The following ADAM23 variants were observed in gnomAD, a reference collection of about 807,000 sequenced individuals.
ADAM23 encodes disintegrin and metalloproteinase domain-containing protein 23.
ADAM23 carries 33 observed loss-of-function variants against 120.1 expected under a neutral mutation model. The ratio of observed to expected loss-of-function variants is 0.27; its 90% CI spans 0.21 to 0.37. The LOEUF (loss-of-function observed/expected upper bound fraction) is 0.37. ADAM23 is among the 10% of genes least tolerant of loss of function. The pLI is 1.00. For synonymous variants in ADAM23, 367 were observed against 375.2 expected, an observed-to-expected ratio of 0.98 and a Z score of 0.25; for missense variants, 862 against 1,058.2, an observed-to-expected ratio of 0.81 and a Z score of 2.57.
chr2:206,580,992 G>A (rs1020653295), intron 18 of ADAM23, among the ~76,000 whole-genome samples: 1 of 152,072 alleles, frequency 6.6e-6, no homozygotes, highest in African/African-American at 2.4e-5. Flanking sequence ...ATTTTCTAGT[G>A]TATGTGTGTA....
intron 3 of ADAM23, among the ~76,000 whole-genome samples, chr2:206,507,629 T>G (rs1002600402): frequency 6.6e-6 from 1 of 152,262 alleles, no homozygotes; most frequent in Non-Finnish European, 1.5e-5. Context: ...GAGAAAGTAC[T>G]AATACAGTAG....
In ADAM23 at chr2:206,540,967, AT is replaced by A. The variant is rs1445930843; in HGVS notation, c.574-1080del. ...TTTATAAATATTATTTATAAATATTATTTTTATAATAATAAAAATTTATTAT... is the reference window on the plus strand; with the variant it reads ...TTTATAAATATTATTTATAAATATTATTTTATAATAATAAAAATTTATTAT... On this transcript the variant is annotated intron_variant, in intron 4 of 25. Transcript: ENST00000264377. 1.4e-4 allele frequency among the ~76,000 whole-genome samples: 21 copies of A among 147,556 alleles called. No homozygotes were observed. In the East Asian group the frequency reaches 1.6e-3, roughly 11 times the overall value.
Position 206,574,187 on chromosome 2 carries a change from A to G in ADAM23, c.1737+992A>G, listed in dbSNP as rs192412752. 5.9e-5 allele frequency among the ~76,000 whole-genome samples: 9 copies of G among 152,294 alleles called. No homozygotes were observed. The East Asian group carries it at 1.5e-3, about 26-fold the overall frequency. Reference sequence around the variant, plus strand: ...CAACGTCATCTTCATCATCATGTCAACGTTCAAAAAGTTTCAGATTTTGGA... The same window carrying G: ...CAACGTCATCTTCATCATCATGTCAGCGTTCAAAAAGTTTCAGATTTTGGA... On this transcript the variant is annotated intron_variant, in intron 18 of 25. Coordinates refer to ENST00000264377, the MANE Select transcript of ADAM23 (RefSeq NM_003812.4).
intron 10 of ADAM23, among the ~76,000 whole-genome samples, 178 bp from the exon 11 acceptor site, chr2:206,559,773 GTTCT>G (rs1257437957): frequency 2.0e-5 from 3 of 152,262 alleles, no homozygotes; most frequent in African/African-American, 4.8e-5. Context: ...TTGTGTGATT[GTTCT>G]TTCTTTATTT....
intron 3 of ADAM23, among the ~76,000 whole-genome samples, chr2:206,489,948 T>C (rs1302827027): frequency 1.3e-5 from 2 of 152,210 alleles, no homozygotes; most frequent in African/African-American, 2.4e-5. Flanking sequence ...AGTAGAACCA[T>C]CTGTTATGCT....
At chr2:206,506,367 C>T (rs1696497311) in intron 3 of ADAM23, among the ~76,000 whole-genome samples, 1 of 152,174 alleles carries the variant, frequency 6.6e-6, no homozygotes, top group African/African-American at 2.4e-5. Flanking sequence ...AAAGTAGAAG[C>T]AAAGCAGAAT....
At chr2:206,445,647 TTATGA>T in intron 2 of ADAM23, 123 bp downstream of exon 2, 1 of 796,234 alleles carries the variant, frequency 1.3e-6, no homozygotes, top group Non-Finnish European at 2.0e-6. Flanking sequence ...GCAATTAATA[TTATGA>T]TAGGGGAGAA....
chr2:206,445,263 G>T (rs373108443), intron 1 of ADAM23, 44 bp from the exon 2 acceptor site: 3 of 1,384,576 alleles, frequency 2.2e-6, no homozygotes, highest in African/African-American at 1.4e-5. Flanking sequence ...GTGTGTTTGT[G>T]TATGTTTGTA....
At chr2:206,461,083 G>A (rs1164794069) in intron 2 of ADAM23, among the ~76,000 whole-genome samples, 4 of 127,618 alleles carry the variant, frequency 3.1e-5, no homozygotes, top group African/African-American at 1.2e-4. Context: ...TTTTTTTTGA[G>A]ATGGAGTCTC....
intron 3 of ADAM23, among the ~76,000 whole-genome samples, chr2:206,486,966 G>A (rs1457711834): frequency 6.6e-6 from 1 of 152,112 alleles, no homozygotes; most frequent in Non-Finnish European, 1.5e-5. Context: ...CATTTCATAC[G>A]ATATGCAGCC....
intron 3 of ADAM23, among the ~76,000 whole-genome samples, chr2:206,530,415 T>A (rs1697028387): frequency 6.6e-6 from 1 of 152,210 alleles, no homozygotes. Context: ...TTCCAACTGT[T>A]TAGGGCATAA....
chr2:206,476,534 C>A (rs901926404), intron 2 of ADAM23, among the ~76,000 whole-genome samples: 1 of 152,056 alleles, frequency 6.6e-6, no homozygotes, highest in Non-Finnish European at 1.5e-5. Flanking sequence ...GTGAACTGCA[C>A]GTGCGATGGA....
chr2:206,495,395 A>T (rs1198865338), intron 3 of ADAM23, among the ~76,000 whole-genome samples: 1 of 152,098 alleles, frequency 6.6e-6, no homozygotes. Flanking sequence ...ATATCCAGCC[A>T]AACTAAGCTT....
Position 206,504,381 on chromosome 2 carries a change from T to C in ADAM23, c.509+23073T>C, listed in dbSNP as rs184292582. On this transcript the variant is annotated intron_variant, in intron 3 of 25. Coordinates refer to ENST00000264377, the MANE Select transcript of ADAM23 (RefSeq NM_003812.4). ...CAGCTCTTAACTAATTTGTTCCTTT[T>C]TAATGTGTTAGAGCCAGAATAAGAA... Among the ~76,000 whole-genome samples, 222 of 152,266 alleles carry C rather than the reference T, an allele frequency of 1.5e-3. 2 individuals carry two copies. Among genetic ancestry groups the C allele is most frequent in the African/African-American group, 5.1e-3 (210 of 41,568 alleles).
intron 9 of ADAM23, among the ~76,000 whole-genome samples, chr2:206,551,196 T>C (rs1239408761): frequency 6.6e-6 from 1 of 152,158 alleles, no homozygotes; most frequent in African/African-American, 2.4e-5. Context: ...TCTTGATTTA[T>C]AATGTTTGCT....
intron 3 of ADAM23, among the ~76,000 whole-genome samples, chr2:206,530,251 C>T (rs1166319055): frequency 6.6e-6 from 1 of 152,186 alleles, no homozygotes; most frequent in African/African-American, 2.4e-5. Flanking sequence ...TACATACTGC[C>T]CGTGGCTGCT....
intron 18 of ADAM23, among the ~76,000 whole-genome samples, chr2:206,579,120 T>A (rs1698174538): frequency 6.6e-6 from 1 of 152,132 alleles, no homozygotes; most frequent in African/African-American, 2.4e-5. Flanking sequence ...TCATTGTAGA[T>A]TCTGGATATT....
intron 13 of ADAM23, 43 bp downstream of exon 13, chr2:206,562,336 G>C (rs1697785105): frequency 6.9e-7 from 1 of 1,446,530 alleles, no homozygotes; most frequent in South Asian, 1.2e-5. Context: ...GTGCCATTCT[G>C]TCTGTATAAT....
At chr2:206,530,667 G>GTT (rs1161334098) in intron 3 of ADAM23, among the ~76,000 whole-genome samples, 3 of 110,134 alleles carry the variant, frequency 2.7e-5, no homozygotes, top group Non-Finnish European at 3.8e-5. Context: ...TCTGTGTCTT[G>GTT]TCTTTTTTTT....
Sources: allele counts gnomAD v4.1 joint callset (sites outside exome capture counted in the v4.1 genomes callset), GRCh38; gene constraint gnomAD v4.1.1; transcripts MANE v1.5; gene names NCBI Gene and HGNC (gene_info 2026-07-23, HGNC 2026-07-21).